PRPSAP2: variants seen among roughly 807,000 people sequenced by gnomAD.
PRPSAP2 encodes the protein phosphoribosyl pyrophosphate synthetase associated protein 2.
Under a neutral mutation model 40.6 loss-of-function variants are expected in PRPSAP2, and 24 were observed. The ratio of observed to expected loss-of-function variants is 0.59; its 90% CI spans 0.43 to 0.83. The LOEUF (loss-of-function observed/expected upper bound fraction) is 0.83. Ranked by LOEUF, PRPSAP2 falls within the 40% of genes least tolerant of loss-of-function variation. PRPSAP2 has a pLI of 0.00. For synonymous variants in PRPSAP2, 149 were observed against 164.7 expected (o/e 0.90, Z 0.73); for missense variants, 292 against 465.6 (o/e 0.63, Z 3.43).
intron 11 of PRPSAP2, among the ~76,000 whole-genome samples, 166 bp from the exon 12 acceptor site, chr17:18,930,374 A>C (rs1189033411): frequency 6.6e-6 from 1 of 152,154 alleles, no homozygotes. Context: ...ACTCCGTCTA[A>C]AAATAAATAA....
intron 8 of PRPSAP2, among the ~76,000 whole-genome samples, chr17:18,894,687 C>G: frequency 6.6e-6 from 1 of 151,920 alleles, no homozygotes; most frequent in African/African-American, 2.4e-5. Flanking sequence ...GTTTCACCAT[C>G]TTGGCCAGGC....
intron 8 of PRPSAP2, among the ~76,000 whole-genome samples, chr17:18,898,884 GGTGT>G (rs1429402900): frequency 5.0e-5 from 3 of 60,106 alleles, no homozygotes; most frequent in Non-Finnish European, 1.2e-4. Context: ...ATAAATGTCA[GGTGT>G]TTGTTTGTTT....
intron 9 of PRPSAP2, among the ~76,000 whole-genome samples, chr17:18,919,227 G>A (rs1371572347): frequency 1.3e-5 from 2 of 152,016 alleles, no homozygotes; most frequent in Non-Finnish European, 2.9e-5. Flanking sequence ...TTAGCCAGGC[G>A]GCTGGGCGCA....
intron 8 of PRPSAP2, among the ~76,000 whole-genome samples, chr17:18,890,450 G>A (rs1487422488): frequency 6.6e-6 from 1 of 152,086 alleles, no homozygotes; most frequent in Non-Finnish European, 1.5e-5. Context: ...GATTACAGGC[G>A]TGAGCCACCA....
At chr17:18,897,958 A>G (rs900799434) in intron 8 of PRPSAP2, among the ~76,000 whole-genome samples, 1 of 140,662 alleles carries the variant, frequency 7.1e-6, no homozygotes, top group African/African-American at 2.6e-5. Flanking sequence ...CTATACATAC[A>G]TTTATAGCAG....
intron 5 of PRPSAP2, among the ~76,000 whole-genome samples, chr17:18,876,206 G>T (rs1460669758): frequency 6.6e-6 from 1 of 152,188 alleles, no homozygotes; most frequent in Non-Finnish European, 1.5e-5. Flanking sequence ...ACAGATTAGT[G>T]CTAGCACTAA....
chr17:18,908,897 T>A, intron 8 of PRPSAP2: 1 of 475,578 alleles, frequency 2.1e-6, no homozygotes, highest in East Asian at 4.7e-5. Context: ...TTCCTCCCTT[T>A]CCTTTCCTTT....
In PRPSAP2 at chr17:18,877,714, A is replaced by G. The variant is rs144334691; in HGVS notation, c.256A>G (p.Ile86Val). 33 of 1,609,124 alleles carry G rather than the reference A, an allele frequency of 2.1e-5. No individual in the cohort carries two copies. In the African/African-American group the frequency reaches 3.8e-4, roughly 18 times the overall value. ...QTVSKDVNTT[I>V]MELLIMVYAC... ...TTGTTACAGGGACGTGAACACCACC[A>G]TCATGGAGCTCCTGATCATGGTGTA... The change falls in exon 6 of 12, where the codon ATC becomes GTC. Residue 86 changes from isoleucine (I) to valine (V), a missense_variant. By Grantham distance (29) the Ile-to-Val change is conservative (BLOSUM62 3). Transcript: ENST00000268835.
At chr17:18,923,231 A>AG (rs1466897970) in intron 9 of PRPSAP2, among the ~76,000 whole-genome samples, 3 of 148,226 alleles carry the variant, frequency 2.0e-5, no homozygotes, top group Admixed American at 6.7e-5. Flanking sequence ...CTGGGACTAC[A>AG]GGCGCCCACT....
At chr17:18,924,048 T>C in intron 10 of PRPSAP2, 64 bp downstream of exon 10, 1 of 1,485,956 alleles carries the variant, frequency 6.7e-7, no homozygotes, top group Non-Finnish European at 9.3e-7. Flanking sequence ...GATTGATTGA[T>C]TGATTGATTT....
chr17:18,908,094 T>TGACC (rs2040711480), intron 8 of PRPSAP2, among the ~76,000 whole-genome samples: 1 of 152,108 alleles, frequency 6.6e-6, no homozygotes, highest in South Asian at 2.1e-4. Context: ...CGAGATCATG[T>TGACC]GACCGCACTA....
Position 18,865,915 on chromosome 17 carries a change from A to G in PRPSAP2, c.82A>G (p.Asn28Asp). ...GGLVLFSANS[N>D]SSCMELSKKI... The stretch of plus-strand genomic sequence containing the variant: ...TCTGGTGTTGTTTTCAGCAAACTCG[A>G]ATTCATCATGTATGGAGCTATCAAA... The change falls in exon 3 of 12, where the codon AAT becomes GAT. Residue 28 changes from asparagine to aspartate, a missense_variant. Asn to Asp is a conservative substitution (Grantham distance 23). Around this residue, in one of 2 missense-constraint regions of PRPSAP2, gnomAD observed 51 missense variants for 40.0 expected, o/e 1.28. Coordinates refer to ENST00000268835, the MANE Select transcript of PRPSAP2 (RefSeq NM_002767.4). 6.5e-7 allele frequency: 1 copy of G among 1,540,538 alleles called. No homozygotes were observed. The highest frequency in any genetic ancestry group is 1.4e-5 in the African/African-American group (1 of 73,720).
chr17:18,892,954 C>T (rs2039667625), intron 8 of PRPSAP2, among the ~76,000 whole-genome samples: 1 of 151,622 alleles, frequency 6.6e-6, no homozygotes, highest in Non-Finnish European at 1.5e-5. Context: ...GGAGAAATGC[C>T]TGTTCACACC....
chr17:18,930,479 G>T, intron 11 of PRPSAP2, 61 bp from the exon 12 acceptor site: 1 of 1,531,282 alleles, frequency 6.5e-7, no homozygotes. Flanking sequence ...CACATTTCCA[G>T]ATCAAACCAT....
At chr17:18,861,883 T>TTTTGTTTG (rs138555657) in intron 1 of PRPSAP2, among the ~76,000 whole-genome samples, 53,996 of 150,868 alleles carry the variant, frequency 0.36, 9,822 homozygotes, top group Non-Finnish European at 0.39. Flanking sequence ...CAGCATGTTC[T>TTTTGTTTG]TTTGTTTGTT....
intron 9 of PRPSAP2, among the ~76,000 whole-genome samples, chr17:18,918,894 G>A (rs1299584512): frequency 6.6e-6 from 1 of 152,138 alleles, no homozygotes; most frequent in African/African-American, 2.4e-5. Context: ...TTGATATGTT[G>A]AATCAAATCA....
At chr17:18,871,110 C>T (rs745753261) in intron 4 of PRPSAP2, among the ~76,000 whole-genome samples, 1 of 152,088 alleles carries the variant, frequency 6.6e-6, no homozygotes, top group Non-Finnish European at 1.5e-5. Flanking sequence ...ACCTCTGCCT[C>T]CCAGGTTCAA....
Position 18,882,612 on chromosome 17 carries a change from C to A in PRPSAP2, c.457C>A (p.Gln153Lys). 6.2e-7 allele frequency: 1 copy of A among 1,601,492 alleles called. No homozygotes were observed. The highest frequency in any genetic ancestry group is 1.1e-5 in the South Asian group (1 of 90,802). Residue 153 changes from glutamine (Q) to lysine (K), a missense_variant, in exon 7 of 12, where the codon CAG becomes AAG. By Grantham distance (53) the Gln-to-Lys change is moderately conservative. Around this residue, in one of 2 missense-constraint regions of PRPSAP2, gnomAD observed 241 missense variants for 425.7 expected, o/e 0.57. Transcript: ENST00000268835. ...TATGGATTTACACCAGAAGGAAATT[C>A]AGGGCTTCTTCAATATTCCTGTTGA... ...ITMDLHQKEI[Q>K]GFFNIPVDNL...
chr17:18,926,097 CA>C (rs1344873963), intron 10 of PRPSAP2, among the ~76,000 whole-genome samples: 9 of 146,608 alleles, frequency 6.1e-5, no homozygotes, highest in Admixed American at 1.4e-4. Flanking sequence ...GACTCTGTCT[CA>C]AAAAAAAAAT....
Sources: allele counts gnomAD v4.1 joint callset (sites outside exome capture counted in the v4.1 genomes callset), GRCh38; gene constraint gnomAD v4.1.1; regional missense constraint gnomAD v4.1.1; transcripts MANE v1.5; gene names NCBI Gene and HGNC (gene_info 2026-07-23, HGNC 2026-07-21).